Variants in RAP1GAP2 observed in about 807,000 individuals in gnomAD.
RAP1GAP2 encodes the protein RAP1 GTPase activating protein 2.
Under a neutral mutation model 95.0 loss-of-function variants are expected in RAP1GAP2, and 27 were observed. The observed-to-expected ratio is 0.28, with a 90% CI of 0.21 to 0.39. The LOEUF (loss-of-function observed/expected upper bound fraction) is 0.39, where lower values mean the gene tolerates loss of function less well. RAP1GAP2 is among the 10% of genes least tolerant of loss of function. RAP1GAP2 has a pLI of 1.00. For missense variants in RAP1GAP2, 771 were observed against 970.0 expected (o/e 0.79, Z 2.72); for synonymous variants, 373 against 380.9 (o/e 0.98, Z 0.24).
chr17:2,804,810 G>T (rs1009139373), intron 2 of RAP1GAP2, among the ~76,000 whole-genome samples: 2 of 152,226 alleles, frequency 1.3e-5, no homozygotes, highest in South Asian at 2.1e-4. Flanking sequence ...GGAGGCTTGT[G>T]TGTGGGATAT....
intron 8 of RAP1GAP2, among the ~76,000 whole-genome samples, chr17:2,969,633 C>T (rs981517698): frequency 1.3e-5 from 2 of 150,224 alleles, no homozygotes; most frequent in African/African-American, 4.9e-5. Context: ...TCCCAAGTAG[C>T]TGGGACTACA....
chr17:2,824,059 C>A (rs527243347), intron 2 of RAP1GAP2, among the ~76,000 whole-genome samples: 1 of 141,212 alleles, frequency 7.1e-6, no homozygotes, highest in African/African-American at 2.7e-5. Context: ...GGAGGCAGAG[C>A]TTGCAGTGAG....
intron 11 of RAP1GAP2, among the ~76,000 whole-genome samples, chr17:2,990,399 G>A (rs189637097): frequency 1.3e-5 from 2 of 152,244 alleles, no homozygotes; most frequent in African/African-American, 4.8e-5. Context: ...GTGACTCTGC[G>A]TTTAGCCTTT....
chr17:2,866,521 C>T lies in RAP1GAP2; in HGVS notation c.81-38763C>T, dbSNP rs2072619041. Reference sequence around the variant, plus strand: ...TTTTATTAAATAGAGGTTTGGGGCCCAAGGGCCTTTGTGTTGGTGAGGCAG... The same window carrying T: ...TTTTATTAAATAGAGGTTTGGGGCCTAAGGGCCTTTGTGTTGGTGAGGCAG... On this transcript the variant is annotated intron_variant, in intron 2 of 24. Coordinates refer to ENST00000254695, the MANE Select transcript of RAP1GAP2 (RefSeq NM_015085.5). The surrounding 1 kb of genome is among the most constrained non-coding windows in gnomAD (Gnocchi z 4.0). 6.6e-6 allele frequency among the ~76,000 whole-genome samples: 1 copy of T among 152,230 alleles called. No individual in the cohort carries two copies. Among genetic ancestry groups the T allele is most frequent in the African/African-American group, 2.4e-5 (1 of 41,458 alleles).
In RAP1GAP2 at chr17:2,867,423, G is replaced by A. The variant is rs527337474; in HGVS notation, c.81-37861G>A. Among the ~76,000 whole-genome samples the A allele has an allele frequency of 2.0e-5, 3 of 152,098 alleles. No individual in the cohort carries two copies. Among genetic ancestry groups the A allele is most frequent in the Non-Finnish European group, 4.4e-5 (3 of 68,022 alleles). On this transcript the variant is annotated intron_variant, in intron 2 of 24. Coordinates refer to ENST00000254695, the MANE Select transcript of RAP1GAP2 (RefSeq NM_015085.5). The surrounding 1 kb of genome is among the most constrained non-coding windows in gnomAD (Gnocchi z 4.5). ...CTGTGCCTTCCTTTGGGTTGCCTTCGTCCTCAGGTACCTTATCCACGAAGA... is the reference window on the plus strand; with the variant it reads ...CTGTGCCTTCCTTTGGGTTGCCTTCATCCTCAGGTACCTTATCCACGAAGA...
At chr17:2,838,406 G>T (rs1396257212) in intron 2 of RAP1GAP2, among the ~76,000 whole-genome samples, 1 of 152,196 alleles carries the variant, frequency 6.6e-6, no homozygotes, top group African/African-American at 2.4e-5. Context: ...AACCCAGGGG[G>T]TGGTGTGTGC....
chr17:2,889,172 T>A, intron 2 of RAP1GAP2, among the ~76,000 whole-genome samples: 1 of 152,192 alleles, frequency 6.6e-6, no homozygotes, highest in East Asian at 1.9e-4. Flanking sequence ...TGTTCCATAG[T>A]GGCTGTGCTC....
intron 2 of RAP1GAP2, among the ~76,000 whole-genome samples, chr17:2,862,951 T>C (rs971072505): frequency 4.9e-5 from 7 of 142,768 alleles, no homozygotes; most frequent in Non-Finnish European, 1.0e-4. Flanking sequence ...GAGCCGAGAT[T>C]GCACCACTGA....
intron 21 of RAP1GAP2, among the ~76,000 whole-genome samples, chr17:3,026,728 G>C (rs2047129631): frequency 6.6e-6 from 1 of 152,242 alleles, no homozygotes; most frequent in South Asian, 2.1e-4. Context: ...CCTGGCTGGA[G>C]TGGTGAGTGG....
intron 2 of RAP1GAP2, among the ~76,000 whole-genome samples, chr17:2,881,469 G>A (rs753322873): frequency 1.6e-4 from 24 of 152,300 alleles, no homozygotes; most frequent in Non-Finnish European, 2.6e-4. Context: ...GCACGAATCC[G>A]TAACGGCACT....
chr17:2,858,195 A>G lies in RAP1GAP2; in HGVS notation c.81-47089A>G, dbSNP rs377544334. On this transcript the variant is annotated intron_variant, in intron 2 of 24. Coordinates refer to ENST00000254695, the MANE Select transcript of RAP1GAP2 (RefSeq NM_015085.5). ...GAGAGGTCATTTAGCATAAATGAAA[A>G]CAAGTCCACTTCTTATGGTGGGTAG... Among the ~76,000 whole-genome samples the G allele has an allele frequency of 3.4e-4, 52 of 152,324 alleles. 1 individual carries two copies. Among genetic ancestry groups the G allele is most frequent in the Non-Finnish European group, 6.2e-4 (42 of 68,032 alleles).
intron 2 of RAP1GAP2, among the ~76,000 whole-genome samples, chr17:2,836,279 A>C (rs1004025059): frequency 6.6e-6 from 1 of 152,098 alleles, no homozygotes; most frequent in Admixed American, 6.6e-5. Flanking sequence ...AAGAAAAAAA[A>C]AAAGAAACCA....
rs370362954 is a variant in RAP1GAP2, at chr17:3,005,325, C to T, written c.1201-44C>T. Reference sequence around the variant, plus strand: ...GCGTGGCTCCCGTAGGGGCAGCGCTCGTCTCTTCCCTCCAGGTCCGTACCA... The same window carrying T: ...GCGTGGCTCCCGTAGGGGCAGCGCTTGTCTCTTCCCTCCAGGTCCGTACCA... On this transcript the variant is annotated intron_variant, in intron 14 of 24. Transcript: ENST00000254695. This position sits in a 1 kb window ranked among gnomAD's most constrained non-coding sequence, Gnocchi z 5.2. 2.2e-5 allele frequency: 34 copies of T among 1,576,864 alleles called. No homozygotes were observed. The African/African-American group carries it at 2.7e-4, about 12-fold the overall frequency.
intron 2 of RAP1GAP2, among the ~76,000 whole-genome samples, chr17:2,826,007 G>T (rs1177218834): frequency 3.6e-5 from 5 of 138,574 alleles, no homozygotes; most frequent in Non-Finnish European, 6.1e-5. Context: ...TTGAGACGGA[G>T]TCTTGCTCTG....
intron 8 of RAP1GAP2, among the ~76,000 whole-genome samples, chr17:2,972,722 C>A (rs1190434183): frequency 6.6e-6 from 1 of 152,042 alleles, no homozygotes; most frequent in South Asian, 2.1e-4. Context: ...AATAGCAGCC[C>A]CAGAAACTCA....
At chr17:2,862,146 A>G (rs139050716) in intron 2 of RAP1GAP2, among the ~76,000 whole-genome samples, 331 of 152,276 alleles carry the variant, frequency 2.2e-3, no homozygotes, top group African/African-American at 7.3e-3. Flanking sequence ...GAGAGGGACC[A>G]GGCTCAGCCA....
At chr17:2,818,685 GTTT>G (rs1051608734) in intron 2 of RAP1GAP2, among the ~76,000 whole-genome samples, 11 of 152,130 alleles carry the variant, frequency 7.2e-5, no homozygotes, top group Admixed American at 1.3e-4. Context: ...AACATTTATA[GTTT>G]TTGTGTGCAT....
upstream of RAP1GAP2, among the ~76,000 whole-genome samples, chr17:2,774,988 AT>A (rs57384328): frequency 0.35 from 51,270 of 146,206 alleles, 9,245 homozygotes; most frequent in South Asian, 0.49. Flanking sequence ...GCCCTGCTAA[AT>A]TTTTTTTTTT....
intron 2 of RAP1GAP2, among the ~76,000 whole-genome samples, chr17:2,861,529 G>C (rs1037566959): frequency 1.3e-5 from 2 of 149,896 alleles, no homozygotes; most frequent in Non-Finnish European, 3.0e-5. Flanking sequence ...GTGCAATGGC[G>C]TGATCTGGGT....
Sources: allele counts gnomAD v4.1 joint callset (sites outside exome capture counted in the v4.1 genomes callset), GRCh38; gene constraint gnomAD v4.1.1; non-coding constraint Gnocchi (gnomAD v3.1); transcripts MANE v1.5; gene names NCBI Gene and HGNC (gene_info 2026-07-23, HGNC 2026-07-21).